The following CYSLTR1 variants were observed in gnomAD, a reference collection of about 807,000 sequenced individuals.
CYSLTR1 encodes cysteinyl leukotriene receptor 1.
A neutral mutation model predicts 2.1 loss-of-function variants in CYSLTR1; 1 was observed. The observed-to-expected ratio is 0.48, with a 90% CI of 0.17 to 2.28. The LOEUF is 2.28. Among genes scored for constraint, CYSLTR1 ranks in the 30% most tolerant of loss-of-function variants. The pLI, the probability that CYSLTR1 is intolerant of heterozygous loss-of-function variation, is 0.26. For missense variants in CYSLTR1, 299 were observed against 250.1 expected (o/e 1.20, Z -1.32); for synonymous variants, 110 against 89.6 (o/e 1.23, Z -1.28).
intron 2 of CYSLTR1, among the ~76,000 whole-genome samples, chrX:78,280,976 A>T (rs1480169508): frequency 8.9e-6 from 1 of 112,103 alleles, no homozygotes; most frequent in East Asian, 2.8e-4. Flanking sequence ...TTCTTTATCC[A>T]GTCTTCTATT....
intron 1 of CYSLTR1, among the ~76,000 whole-genome samples, chrX:78,312,832 G>T (rs1018439316): frequency 8.9e-6 from 1 of 112,299 alleles, no homozygotes; most frequent in Admixed American, 9.4e-5. Context: ...TGGTGAGGCT[G>T]TGGAGAAAAG....
intron 1 of CYSLTR1, among the ~76,000 whole-genome samples, chrX:78,297,422 CCCT>C (rs1259845392): frequency 1.8e-5 from 2 of 110,847 alleles, no homozygotes; most frequent in South Asian, 7.5e-4. Flanking sequence ...TGGAAGTGTT[CCCT>C]CCTCCTCTAT....
chrX:78,283,693 C>G (rs753736891), intron 1 of CYSLTR1, among the ~76,000 whole-genome samples, 153 bp from the exon 2 acceptor site: 1 of 112,150 alleles, frequency 8.9e-6, no homozygotes, highest in Admixed American at 9.5e-5. Context: ...AATTCTGTGT[C>G]TCCTTCTTTT....
chrX:78,291,500 T>C (rs1328940095), intron 1 of CYSLTR1, among the ~76,000 whole-genome samples: 1 of 111,620 alleles, frequency 9.0e-6, no homozygotes, highest in Non-Finnish European at 1.9e-5. Context: ...GAGGATTCCC[T>C]CTTTTTCTAT....
intron 1 of CYSLTR1, among the ~76,000 whole-genome samples, chrX:78,287,065 A>T (rs1434032406): frequency 9.0e-6 from 1 of 111,677 alleles, no homozygotes; most frequent in African/African-American, 3.3e-5. Flanking sequence ...CACAATACCT[A>T]CATCAAATAT....
At chrX:78,284,014 C>T (rs1366786277) in intron 1 of CYSLTR1, among the ~76,000 whole-genome samples, 2 of 111,736 alleles carry the variant, frequency 1.8e-5, no homozygotes, top group African/African-American at 3.3e-5. Flanking sequence ...CCTTAAAGGA[C>T]GAATGGCTTA....
intron 2 of CYSLTR1, among the ~76,000 whole-genome samples, chrX:78,275,054 G>A: frequency 9.0e-6 from 1 of 111,195 alleles, no homozygotes; most frequent in Non-Finnish European, 1.9e-5. Context: ...AGTTAGAATG[G>A]CAATCATTAA....
At chrX:78,324,973 G>A (rs1176538054) in intron 1 of CYSLTR1, among the ~76,000 whole-genome samples, 1 of 111,680 alleles carries the variant, frequency 9.0e-6, no homozygotes, top group East Asian at 2.8e-4. Flanking sequence ...CCAAATCTGT[G>A]ATTGAACAAG....
chrX:78,281,715 C>T (rs1921853278), intron 2 of CYSLTR1, among the ~76,000 whole-genome samples: 1 of 111,747 alleles, frequency 8.9e-6, no homozygotes, highest in Admixed American at 9.6e-5. Flanking sequence ...ATATTAACTA[C>T]AGCCACCATA....
At chrX:78,316,984 G>A (rs962878467) in intron 1 of CYSLTR1, among the ~76,000 whole-genome samples, 2 of 112,019 alleles carry the variant, frequency 1.8e-5, no homozygotes, top group East Asian at 5.5e-4. Context: ...ATAAATAGAT[G>A]AGACAAATTT....
At chrX:78,288,917 GT>G (rs1384287726) in intron 1 of CYSLTR1, among the ~76,000 whole-genome samples, 7 of 104,737 alleles carry the variant, frequency 6.7e-5, no homozygotes, top group African/African-American at 2.5e-4. Context: ...GAGTTAAATT[GT>G]TTTGATTTTT....
chrX:78,287,474 G>A (rs1359898714), intron 1 of CYSLTR1, among the ~76,000 whole-genome samples: 1 of 111,433 alleles, frequency 9.0e-6, no homozygotes. Flanking sequence ...TTCTAAAATT[G>A]CATTGTGGTG....
At chrX:78,301,773 C>T (rs1922830360) in intron 1 of CYSLTR1, among the ~76,000 whole-genome samples, 1 of 111,850 alleles carries the variant, frequency 8.9e-6, no homozygotes, top group Non-Finnish European at 1.9e-5. Flanking sequence ...CCCCACTCTT[C>T]CAGTACCAAG....
chrX:78,276,433 G>A (rs1199790039), intron 2 of CYSLTR1, among the ~76,000 whole-genome samples: 1 of 110,994 alleles, frequency 9.0e-6, no homozygotes, highest in East Asian at 2.8e-4. Flanking sequence ...TGGGAAGACT[G>A]CTTGAGTATG....
At chrX:78,277,529 G>A (rs756138765) in intron 2 of CYSLTR1, among the ~76,000 whole-genome samples, 30 of 111,665 alleles carry the variant, frequency 2.7e-4, no homozygotes, top group African/African-American at 9.4e-4. Flanking sequence ...TTGATGTGTT[G>A]TTGTCAGTAT....
intron 1 of CYSLTR1, among the ~76,000 whole-genome samples, chrX:78,284,347 G>A (rs1464039877): frequency 2.7e-5 from 3 of 111,171 alleles, no homozygotes; most frequent in Non-Finnish European, 5.7e-5. Context: ...TGGTCCAAGC[G>A]CTAACAAAAT....
chrX:78,301,037 C>A (rs1004012264), intron 1 of CYSLTR1, among the ~76,000 whole-genome samples: 1 of 112,573 alleles, frequency 8.9e-6, no homozygotes, highest in Non-Finnish European at 1.9e-5. Flanking sequence ...AGCTGTACCT[C>A]GGCTCCTTTT....
At chrX:78,311,732 C>T (rs1923225121) in intron 1 of CYSLTR1, among the ~76,000 whole-genome samples, 1 of 111,609 alleles carries the variant, frequency 9.0e-6, no homozygotes, top group South Asian at 3.7e-4. Flanking sequence ...ATTCCATTTA[C>T]AATAGCCACA....
At chrX:78,291,792 TG>T (rs1922339149) in intron 1 of CYSLTR1, among the ~76,000 whole-genome samples, 1 of 111,382 alleles carries the variant, frequency 9.0e-6, no homozygotes, top group African/African-American at 3.3e-5. Flanking sequence ...TGTATTGCTG[TG>T]GGGTCAGTGG....
Sources: allele counts gnomAD v4.1 joint callset (sites outside exome capture counted in the v4.1 genomes callset), GRCh38; gene constraint gnomAD v4.1.1; transcripts MANE v1.5; gene names NCBI Gene and HGNC (gene_info 2026-07-23, HGNC 2026-07-21).